RNF220: variants seen among roughly 807,000 people sequenced by gnomAD.
RNF220 encodes the protein E3 ubiquitin-protein ligase RNF220.
RNF220 carries 7 observed loss-of-function variants against 67.1 expected under a neutral mutation model. That is an observed-to-expected ratio of 0.10 (90% CI 0.06 to 0.20). The LOEUF (loss-of-function observed/expected upper bound fraction) is 0.20. Ranked by LOEUF, RNF220 falls within the 10% of genes least tolerant of loss-of-function variation. The probability of loss-of-function intolerance (pLI) is 1.00; values close to 1 mark genes in which losing one functional copy is unlikely to be tolerated. For synonymous variants in RNF220, 270 were observed against 283.2 expected, an observed-to-expected ratio of 0.95 and a Z score of 0.47; for missense variants, 565 against 740.3, an observed-to-expected ratio of 0.76 and a Z score of 2.75.
At chr1:44,437,927 A>G (rs368848288) in intron 2 of RNF220, among the ~76,000 whole-genome samples, 42 of 152,280 alleles carry the variant, frequency 2.8e-4, no homozygotes, top group African/African-American at 9.4e-4. Context: ...TAAAGATTGT[A>G]ATACCTGGCC....
At chr1:44,639,390 A>G (rs1644424219) in intron 8 of RNF220, among the ~76,000 whole-genome samples, 1 of 152,262 alleles carries the variant, frequency 6.6e-6, no homozygotes, top group Non-Finnish European at 1.5e-5. Context: ...TGGAAGGGAC[A>G]TGCTGGAAAG....
chr1:44,533,431 G>A (rs1032020990), intron 2 of RNF220, among the ~76,000 whole-genome samples: 1 of 152,090 alleles, frequency 6.6e-6, no homozygotes, highest in Non-Finnish European at 1.5e-5. Flanking sequence ...GGGCTGCAGT[G>A]AGCCCTGATG....
At chr1:44,572,506 A>G (rs13375786) in intron 2 of RNF220, among the ~76,000 whole-genome samples, 1,615 of 152,356 alleles carry the variant, frequency 0.011, 31 homozygotes, top group African/African-American at 0.037. Flanking sequence ...CCCCTCTTTC[A>G]TAATTAAAGC....
At chr1:44,564,609 C>T (rs1173646150) in intron 2 of RNF220, among the ~76,000 whole-genome samples, 1 of 151,926 alleles carries the variant, frequency 6.6e-6, no homozygotes, top group Non-Finnish European at 1.5e-5. Context: ...ACAAAAATTA[C>T]GCAGGCAGTG....
At chr1:44,636,220 C>A in intron 8 of RNF220, 58 bp downstream of exon 8, 2 of 1,565,410 alleles carry the variant, frequency 1.3e-6, no homozygotes, top group South Asian at 2.4e-5. Flanking sequence ...TGCTGGGTAT[C>A]CATCTGCTGG....
At chr1:44,497,338 GACACACACACAC>G (rs10578430) in intron 2 of RNF220, among the ~76,000 whole-genome samples, 1 of 147,950 alleles carries the variant, frequency 6.8e-6, no homozygotes, top group African/African-American at 2.5e-5. Context: ...CCCCTTCCCT[GACACACACACAC>G]ACACACACAC....
At chr1:44,616,479 G>T (rs1643550046) in intron 3 of RNF220, among the ~76,000 whole-genome samples, 1 of 152,168 alleles carries the variant, frequency 6.6e-6, no homozygotes, top group Admixed American at 6.5e-5. Context: ...AAACTGAGGT[G>T]CAGAGGAGTT....
At chr1:44,523,133 T>C (rs796135723) in intron 2 of RNF220, among the ~76,000 whole-genome samples, 16 of 152,004 alleles carry the variant, frequency 1.1e-4, no homozygotes, top group African/African-American at 3.9e-4. Context: ...GGATGGTGAG[T>C]GTGGGAATGT....
chr1:44,435,692 G>A (rs1378868991), intron 2 of RNF220, among the ~76,000 whole-genome samples: 1 of 152,208 alleles, frequency 6.6e-6, no homozygotes, highest in East Asian at 1.9e-4. Context: ...CACTTTGGGA[G>A]GCCGAGGTGG....
intron 5 of RNF220, 60 bp from the exon 6 acceptor site, chr1:44,632,283 T>C (rs1249348697): frequency 1.2e-6 from 2 of 1,613,764 alleles, no homozygotes; most frequent in Non-Finnish European, 1.7e-6. Context: ...GGGCCAGGAC[T>C]GCAGGCCGCG....
At chr1:44,475,389 G>A (rs1655202978) in intron 2 of RNF220, among the ~76,000 whole-genome samples, 1 of 151,678 alleles carries the variant, frequency 6.6e-6, no homozygotes, top group South Asian at 2.1e-4. Context: ...TGGCCAACAT[G>A]GTGAAACTCC....
At chr1:44,561,032 C>T (rs562725308) in intron 2 of RNF220, among the ~76,000 whole-genome samples, 81 of 152,216 alleles carry the variant, frequency 5.3e-4, no homozygotes, top group Non-Finnish European at 9.1e-4. Flanking sequence ...TGATGCCAAG[C>T]TGGACTCCTG....
At chr1:44,484,260 G>C (rs1411244505) in intron 2 of RNF220, among the ~76,000 whole-genome samples, 3 of 152,098 alleles carry the variant, frequency 2.0e-5, no homozygotes, top group African/African-American at 7.2e-5. Context: ...AGAAAAAAAA[G>C]AGCATGAAGG....
chr1:44,633,776 C>T (rs751420702), intron 6 of RNF220, among the ~76,000 whole-genome samples: 6 of 152,252 alleles, frequency 3.9e-5, no homozygotes, highest in Admixed American at 1.3e-4. Flanking sequence ...TGTTGGCACA[C>T]TGCTCCTTAC....
In RNF220 at chr1:44,650,772, G is replaced by T; in HGVS notation, c.1698G>T (p.Leu566Phe). The change falls in exon 15 of 15, where the codon TTG becomes TTT. Residue 566 changes from leucine (L) to phenylalanine (F), a missense_variant. By Grantham distance (22) the Leu-to-Phe change is conservative. Transcript: ENST00000361799. The surrounding 1 kb of genome is among the most constrained non-coding windows in gnomAD (Gnocchi z 4.3). ...TAPGDLRRIY[L>F] ...CCGGAGACCTGCGGAGGATCTACTT[G>T]TGAGCTATCTGCCCCAGGCAGGCCT... The T allele has an allele frequency of 1.2e-6, 2 of 1,613,546 alleles. No homozygotes were observed. The highest frequency in any genetic ancestry group is 1.3e-5 in the African/African-American group (1 of 75,056).
At chr1:44,546,095 A>C (rs938755009) in intron 2 of RNF220, among the ~76,000 whole-genome samples, 6 of 152,188 alleles carry the variant, frequency 3.9e-5, no homozygotes, top group African/African-American at 1.4e-4. Flanking sequence ...GGTTTGTAAA[A>C]GGAGGTGGAA....
At chr1:44,468,715 A>G (rs10082024) in intron 2 of RNF220, among the ~76,000 whole-genome samples, 33,331 of 152,014 alleles carry the variant, frequency 0.22, 3,877 homozygotes, top group Middle Eastern at 0.29. Flanking sequence ...GGAGTTTGAG[A>G]CCAGCCTGGC....
chr1:44,644,693 C>CAA lies in RNF220; in HGVS notation c.1127-4_1127-3insAA. ...CAGGCCCTCCTCACACCCTGCTTCC[C>CAA]ACAGGCTCTGGCTTCATCATGTGCA... On this transcript the variant is annotated splice_polypyrimidine_tract_variant and splice_region_variant and intron_variant, in intron 8 of 14. Coordinates refer to ENST00000361799, the MANE Select transcript of RNF220 (RefSeq NM_018150.4). 1 of 1,613,558 alleles carries CAA rather than the reference C, an allele frequency of 6.2e-7. No individual in the cohort carries two copies.
rs544132849 is a variant in RNF220 at position 44,517,278 on chromosome 1, G to A, written c.626-96887G>A. Among the ~76,000 whole-genome samples the A allele has an allele frequency of 1.5e-4, 23 of 151,724 alleles. No individual in the cohort carries two copies. The East Asian group carries it at 3.9e-3, about 26-fold the overall frequency. ...TAGAGTCAAGCCCATAATCCTTAAC[G>A]CGGCAAGACCTGCCCCCTGTCTTCC... is the stretch of plus-strand genomic sequence containing the variant. On this transcript the variant is annotated intron_variant, in intron 2 of 14. Coordinates refer to ENST00000361799, the MANE Select transcript of RNF220 (RefSeq NM_018150.4).
Sources: gnomAD v4.1 joint callset for allele counts (sites outside exome capture counted in the v4.1 genomes callset) on GRCh38, gnomAD v4.1.1 for gene constraint, Gnocchi (gnomAD v3.1) non-coding constraint, MANE v1.5 for transcripts, NCBI Gene and HGNC (gene_info 2026-07-23, HGNC 2026-07-21) for gene names.